Variants in FABP12 observed in about 807,000 individuals in gnomAD.
The protein encoded by FABP12 is fatty acid-binding protein 12.
Under a neutral mutation model 13.7 loss-of-function variants are expected in FABP12, and 19 were observed. The ratio of observed to expected loss-of-function variants is 1.39; its 90% CI spans 0.97 to 2.04. The LOEUF is 2.04. FABP12 is among the 30% of genes most tolerant of loss of function. The pLI, the probability that FABP12 is intolerant of heterozygous loss-of-function variation, is 0.00. For missense variants in FABP12, 182 were observed against 164.2 expected, an observed-to-expected ratio of 1.11 and a Z score of -0.59; for synonymous variants, 61 against 57.0, an observed-to-expected ratio of 1.07 and a Z score of -0.32.
At chr8:81,551,341 C>G (rs527903929) in intron 1 of FABP12, among the ~76,000 whole-genome samples, 1 of 152,224 alleles carries the variant, frequency 6.6e-6, no homozygotes, top group African/African-American at 2.4e-5. Flanking sequence ...GACCTATATT[C>G]TCTGGTCACA....
intron 1 of FABP12, among the ~76,000 whole-genome samples, chr8:81,572,932 T>A (rs1177973988): frequency 6.6e-6 from 1 of 152,180 alleles, no homozygotes; most frequent in Non-Finnish European, 1.5e-5. Context: ...TCTTTTGCCC[T>A]GCAAAACTCC....
intron 1 of FABP12, among the ~76,000 whole-genome samples, chr8:81,586,199 C>A (rs1810235492): frequency 6.6e-6 from 1 of 151,590 alleles, no homozygotes; most frequent in African/African-American, 2.4e-5. Context: ...CTGTGTAGTA[C>A]TCCATGATGT....
chr8:81,552,656 C>T (rs540780305), intron 1 of FABP12, among the ~76,000 whole-genome samples: 153 of 152,268 alleles, frequency 1.0e-3, no homozygotes, highest in African/African-American at 3.6e-3. Context: ...GGCACCAATG[C>T]TTCATTTAAA....
intron 1 of FABP12, among the ~76,000 whole-genome samples, chr8:81,549,501 T>C (rs1046884853): frequency 6.6e-6 from 1 of 152,196 alleles, no homozygotes; most frequent in African/African-American, 2.4e-5. Flanking sequence ...CCAGTTGTTC[T>C]TTTCTTGTTA....
chr8:81,559,776 G>T (rs185129653), intron 1 of FABP12, among the ~76,000 whole-genome samples: 35 of 152,264 alleles, frequency 2.3e-4, no homozygotes, highest in Admixed American at 2.2e-3. Flanking sequence ...CTGGGGAGAG[G>T]TTCAAGCCAC....
chr8:81,573,073 T>C (rs1399411328), intron 1 of FABP12, among the ~76,000 whole-genome samples: 1 of 152,254 alleles, frequency 6.6e-6, no homozygotes, highest in African/African-American at 2.4e-5. Flanking sequence ...AGAATTTTTA[T>C]AGCTTCAGGT....
intron 3 of FABP12, among the ~76,000 whole-genome samples, chr8:81,527,722 T>C (rs1178845435): frequency 6.6e-6 from 1 of 152,302 alleles, no homozygotes; most frequent in South Asian, 2.1e-4. Context: ...GCATAAAGAA[T>C]TACAAATACA....
At chr8:81,558,103 T>C (rs1488637039) in intron 1 of FABP12, among the ~76,000 whole-genome samples, 2 of 152,206 alleles carry the variant, frequency 1.3e-5, no homozygotes, top group African/African-American at 4.8e-5. Flanking sequence ...ATGAGCATTA[T>C]TATTGGCAAA....
chr8:81,577,192 A>G (rs890065760), intron 1 of FABP12, among the ~76,000 whole-genome samples: 1 of 152,234 alleles, frequency 6.6e-6, no homozygotes, highest in East Asian at 1.9e-4. Flanking sequence ...TTTTGCATGC[A>G]TCTTTACAAG....
chr8:81,529,565 G>A lies in FABP12; in HGVS notation c.119C>T (p.Thr40Ile). The A allele has an allele frequency of 6.2e-7, 1 of 1,613,912 alleles. No individual in the cohort carries two copies. The highest frequency in any genetic ancestry group is 8.5e-7 in the Non-Finnish European group (1 of 1,179,838). The change falls in exon 3 of 5, where the codon ACT becomes ATT. Residue 40 changes from threonine (T) to isoleucine (I), a missense_variant. Physicochemically the swap from Thr to Ile is moderately conservative, Grantham distance 89. Transcript: ENST00000360464. ...ATCTCCATCTGTACTGATGGTCACA[G>A]TGGGTTTTGCCAAACGGCCCAGTTT... is the stretch of plus-strand genomic sequence containing the variant.
At chr8:81,585,975 T>TC (rs373324085) in intron 1 of FABP12, among the ~76,000 whole-genome samples, 355 of 152,294 alleles carry the variant, frequency 2.3e-3, no homozygotes, top group African/African-American at 8.0e-3. Flanking sequence ...AGGTAGTTTT[T>TC]CATTTCTCAT....
intron 1 of FABP12, among the ~76,000 whole-genome samples, chr8:81,553,523 A>G (rs1158003189): frequency 6.6e-6 from 1 of 152,152 alleles, no homozygotes; most frequent in East Asian, 1.9e-4. Context: ...TTTTTTCTGC[A>G]GAGCAGAATT....
At chr8:81,562,359 T>C (rs1257596147) in intron 1 of FABP12, among the ~76,000 whole-genome samples, 1 of 152,118 alleles carries the variant, frequency 6.6e-6, no homozygotes, top group Non-Finnish European at 1.5e-5. Context: ...TGGGTGGCTG[T>C]GGGGAGGGAC....
intron 1 of FABP12, among the ~76,000 whole-genome samples, chr8:81,566,637 C>T (rs1387779970): frequency 6.6e-6 from 1 of 150,688 alleles, no homozygotes; most frequent in African/African-American, 2.4e-5. Context: ...ACCAAAAAAA[C>T]CATATATAGA....
chr8:81,533,483 T>C (rs1809138180), intron 1 of FABP12, among the ~76,000 whole-genome samples: 1 of 152,166 alleles, frequency 6.6e-6, no homozygotes, highest in Non-Finnish European at 1.5e-5. Flanking sequence ...AGTATATATA[T>C]GTTCCCATTC....
At chr8:81,549,932 G>GC (rs1391822638) in intron 1 of FABP12, among the ~76,000 whole-genome samples, 4 of 152,158 alleles carry the variant, frequency 2.6e-5, no homozygotes, top group African/African-American at 9.7e-5. Flanking sequence ...GATAGGAAAA[G>GC]CTGCTGAATA....
chr8:81,535,683 T>A (rs1166255935), upstream of FABP12, among the ~76,000 whole-genome samples: 2 of 152,212 alleles, frequency 1.3e-5, no homozygotes, highest in Non-Finnish European at 2.9e-5. Flanking sequence ...TCCTCTTTCC[T>A]CATTGCATAT....
At chr8:81,569,545 C>A (rs1364820805) in intron 1 of FABP12, among the ~76,000 whole-genome samples, 1 of 152,072 alleles carries the variant, frequency 6.6e-6, no homozygotes, top group Admixed American at 6.6e-5. Flanking sequence ...AAAAAGAGAG[C>A]AAAGCCTGAG....
intron 1 of FABP12, among the ~76,000 whole-genome samples, chr8:81,553,438 AATTTATACT>A (rs1412328733): frequency 6.6e-6 from 1 of 152,182 alleles, no homozygotes; most frequent in Non-Finnish European, 1.5e-5. Context: ...CTATTGTACC[AATTTATACT>A]ATATTTTCAC....
Sources: allele counts gnomAD v4.1 joint callset (sites outside exome capture counted in the v4.1 genomes callset), GRCh38; gene constraint gnomAD v4.1.1; transcripts MANE v1.5; gene names NCBI Gene and HGNC (gene_info 2026-07-23, HGNC 2026-07-21).